Variants in COBLL1 observed in about 807,000 individuals in gnomAD.
The protein encoded by COBLL1 is cordon-bleu WH2 repeat protein like 1.
A neutral mutation model predicts 94.8 loss-of-function variants in COBLL1; 50 were observed. That is an observed-to-expected ratio of 0.53 (90% confidence interval 0.42 to 0.67). COBLL1 has a LOEUF of 0.67. Ranked by LOEUF, COBLL1 falls within the 30% of genes least tolerant of loss-of-function variation. The pLI, the probability that COBLL1 is intolerant of heterozygous loss-of-function variation, is 0.00. For missense variants in COBLL1, 1,362 were observed against 1,348.7 expected (o/e 1.01, Z -0.15); for synonymous variants, 448 against 473.8 (o/e 0.95, Z 0.71).
At chr2:164,769,207 TA>T (rs1688082014) in intron 2 of COBLL1, among the ~76,000 whole-genome samples, 1 of 152,212 alleles carries the variant, frequency 6.6e-6, no homozygotes. Context: ...TTAGAATTTT[TA>T]ATGTATTTAG....
chr2:164,814,188 T>C (rs777901700), intron 2 of COBLL1, among the ~76,000 whole-genome samples: 37 of 152,156 alleles, frequency 2.4e-4, no homozygotes, highest in Non-Finnish European at 3.8e-4. Context: ...TTTCTCATTG[T>C]CTCTTTGGTT....
At chr2:164,806,566 C>T (rs889035479) in intron 2 of COBLL1, among the ~76,000 whole-genome samples, 3 of 152,082 alleles carry the variant, frequency 2.0e-5, no homozygotes, top group East Asian at 3.9e-4. Flanking sequence ...GTAATGCCTT[C>T]CTTAGATGAC....
chr2:164,705,083 A>C lies in COBLL1; in HGVS notation c.1019T>G (p.Val340Gly), dbSNP rs758108961. 1 of 1,552,520 alleles carries C rather than the reference A, an allele frequency of 6.4e-7. No individual in the cohort carries two copies. Among genetic ancestry groups the C allele is most frequent in the Non-Finnish European group, 8.7e-7 (1 of 1,152,374 alleles). The part of the protein sequence containing the change: ...TDKSPCEAGR[V>G]RAGSLQLSSM... Reference sequence around the variant, plus strand: ...GCTGAGCTGCAGTGAACCTGCCCTCACTCTTCCTGCTTCACAGGGACTCTG... The same window carrying C: ...GCTGAGCTGCAGTGAACCTGCCCTCCCTCTTCCTGCTTCACAGGGACTCTG... Residue 340 changes from valine to glycine, a missense_variant, in exon 8 of 14, where the codon GTG becomes GGG. Coordinates refer to ENST00000652658, the MANE Select transcript of COBLL1 (RefSeq NM_001365672.2).
intron 2 of COBLL1, among the ~76,000 whole-genome samples, chr2:164,811,045 A>G (rs932182102): frequency 2.0e-5 from 3 of 151,964 alleles, no homozygotes; most frequent in Admixed American, 1.3e-4. Context: ...TTACAGAAGT[A>G]TTGAATTAGT....
rs1378839813 is a variant in COBLL1 at position 164,787,821 on chromosome 2, A to G, written c.42-43946T>C. 9.2e-5 allele frequency among the ~76,000 whole-genome samples: 14 copies of G among 152,184 alleles called. No individual in the cohort carries two copies. The East Asian group carries it at 2.7e-3, about 29-fold the overall frequency. Reference sequence around the variant, plus strand: ...CTATAATAATAGCTTCCCTGCTCCCATAGGAGCTTCTGAAAAACGTAAACC... The same window carrying G: ...CTATAATAATAGCTTCCCTGCTCCCGTAGGAGCTTCTGAAAAACGTAAACC... On this transcript the variant is annotated intron_variant, in intron 2 of 13. Transcript: ENST00000652658.
chr2:164,746,956 T>A (rs970780335), intron 2 of COBLL1, among the ~76,000 whole-genome samples: 4 of 152,160 alleles, frequency 2.6e-5, no homozygotes, highest in African/African-American at 7.2e-5. Context: ...AAAGGGTAAT[T>A]AATTCCATGA....
chr2:164,801,314 C>G lies in COBLL1; in HGVS notation c.41+39842G>C, dbSNP rs1683776724. 1.3e-5 allele frequency among the ~76,000 whole-genome samples: 2 copies of G among 150,742 alleles called. 1 individual carries two copies. Among genetic ancestry groups the G allele is most frequent in the Admixed American group, 1.3e-4 (2 of 15,128 alleles). On this transcript the variant is annotated intron_variant, in intron 2 of 13. Coordinates refer to ENST00000652658, the MANE Select transcript of COBLL1 (RefSeq NM_001365672.2). ...ATTAGCCGGGCGTGGTAGCGGGCGC[C>G]TGTAGTCCCAGCTACTCGGGAGGCT...
At chr2:164,832,099 T>C (rs1184758375) in intron 2 of COBLL1, among the ~76,000 whole-genome samples, 1 of 152,192 alleles carries the variant, frequency 6.6e-6, no homozygotes, top group African/African-American at 2.4e-5. Context: ...CCCCTTGGGC[T>C]CATCTAATAC....
intron 2 of COBLL1, among the ~76,000 whole-genome samples, chr2:164,817,214 T>C (rs1019549757): frequency 6.6e-6 from 1 of 152,074 alleles, no homozygotes; most frequent in African/African-American, 2.4e-5. Flanking sequence ...CCAAACAACT[T>C]TGGAACCCAC....
intron 7 of COBLL1, among the ~76,000 whole-genome samples, chr2:164,721,365 T>C (rs990673495): frequency 5.3e-5 from 8 of 152,188 alleles, no homozygotes; most frequent in African/African-American, 9.7e-5. Flanking sequence ...ATTTTTCACA[T>C]GGATAAAGCA....
At chr2:164,761,982 T>C (rs976334026) in intron 2 of COBLL1, among the ~76,000 whole-genome samples, 13 of 152,200 alleles carry the variant, frequency 8.5e-5, no homozygotes, top group Non-Finnish European at 1.6e-4. Context: ...GCAATGCAAC[T>C]AGAGAATAAA....
chr2:164,710,322 A>G (rs1425933343), intron 7 of COBLL1, among the ~76,000 whole-genome samples: 1 of 152,158 alleles, frequency 6.6e-6, no homozygotes, highest in African/African-American at 2.4e-5. Flanking sequence ...CGATATTTCT[A>G]AATAGACTGT....
At chr2:164,738,150 A>G (rs1686411787) in intron 3 of COBLL1, 1 of 152,198 alleles carries the variant, frequency 6.6e-6, no homozygotes, top group African/African-American at 2.4e-5. Context: ...TTCCTCTGTT[A>G]TAAATGGTGC....
chr2:164,725,554 G>A (rs892935634), intron 5 of COBLL1, among the ~76,000 whole-genome samples: 1 of 152,066 alleles, frequency 6.6e-6, no homozygotes, highest in Admixed American at 6.6e-5. Context: ...GAGTAGCTGG[G>A]ACTACAGGCA....
intron 2 of COBLL1, among the ~76,000 whole-genome samples, chr2:164,762,054 C>T (rs1171224883): frequency 6.6e-6 from 1 of 152,186 alleles, no homozygotes; most frequent in East Asian, 1.9e-4. Flanking sequence ...GTTCCTATAA[C>T]CTCTGAAATG....
intron 2 of COBLL1, among the ~76,000 whole-genome samples, chr2:164,660,366 A>G (rs961630439): frequency 6.6e-5 from 10 of 152,202 alleles, no homozygotes; most frequent in African/African-American, 2.4e-4. Context: ...CTTGGGGGAA[A>G]GTAGAGTTAT....
At chr2:164,777,153 A>G (rs1016519995) in intron 2 of COBLL1, among the ~76,000 whole-genome samples, 3 of 149,420 alleles carry the variant, frequency 2.0e-5, no homozygotes, top group African/African-American at 7.4e-5. Context: ...TATGGCATTT[A>G]GTACAAGTTT....
At chr2:164,736,497 T>C (rs75836691) in intron 3 of COBLL1, among the ~76,000 whole-genome samples, 2,259 of 152,290 alleles carry the variant, frequency 0.015, 52 homozygotes, top group African/African-American at 0.051. Context: ...TAAAAATAGA[T>C]ATTACTAAAT....
rs1558928281 is a variant in COBLL1 at position 164,695,709 on chromosome 2, T to C, written c.1683A>G (p.Arg561=). Residue 561 remains arginine (R), a synonymous_variant, in exon 12 of 14, where the codon AGA becomes AGG. Transcript: ENST00000652658. ...KNNNIDMEVE[R]PSNSEAHETD... The stretch of plus-strand genomic sequence containing the variant: ...TTTCATGTGCCTCAGAGTTTGATGG[T>C]CTCTCAACTTCCATATCAATGTTGT... The C allele has an allele frequency of 1.9e-6, 3 of 1,613,896 alleles. No homozygotes were observed. The highest frequency in any genetic ancestry group is 2.5e-6 in the Non-Finnish European group (3 of 1,179,862).
Sources: gnomAD v4.1 joint callset for allele counts (sites outside exome capture counted in the v4.1 genomes callset) on GRCh38, gnomAD v4.1.1 for gene constraint, MANE v1.5 for transcripts, NCBI Gene and HGNC (gene_info 2026-07-23, HGNC 2026-07-21) for gene names.